SCFD1: variants seen among roughly 807,000 people sequenced by gnomAD.
The protein encoded by SCFD1 is sec1 family domain containing 1, also known as sec1 family domain-containing protein 1.
In SCFD1, 37 loss-of-function variants were observed where a neutral mutation model predicts 103.2. The observed-to-expected ratio is 0.36, with a 90% CI of 0.28 to 0.47. SCFD1 has a LOEUF of 0.47. Ranked by LOEUF, SCFD1 falls within the 20% of genes least tolerant of loss-of-function variation. SCFD1 has a pLI of 1.00. For synonymous variants in SCFD1, 264 were observed against 245.0 expected (o/e 1.08, Z -0.73); for missense variants, 639 against 761.2 (o/e 0.84, Z 1.89).
chr14:30,711,051 T>C (rs1891834486), intron 19 of SCFD1, among the ~76,000 whole-genome samples: 2 of 152,242 alleles, frequency 1.3e-5, no homozygotes, highest in Admixed American at 1.3e-4. Flanking sequence ...ACCAGTTGAA[T>C]GTTATTCACA....
intron 10 of SCFD1, among the ~76,000 whole-genome samples, chr14:30,662,678 A>G (rs757191193): frequency 5.3e-5 from 8 of 152,228 alleles, no homozygotes; most frequent in Non-Finnish European, 1.0e-4. Flanking sequence ...CCAAAATAAA[A>G]GATATTTTTA....
At chr14:30,731,032 G>T (rs1013662782) in intron 23 of SCFD1, among the ~76,000 whole-genome samples, 7 of 152,242 alleles carry the variant, frequency 4.6e-5, no homozygotes, top group African/African-American at 1.2e-4. Context: ...TTTGTATAGG[G>T]TGTAAGGAAG....
At chr14:30,653,616 C>G in intron 10 of SCFD1, 28 bp downstream of exon 10, 1 of 1,414,894 alleles carries the variant, frequency 7.1e-7, no homozygotes, top group South Asian at 1.2e-5. Flanking sequence ...GCACTTATTA[C>G]TGAAATATAG....
At chr14:30,632,046 GA>G (rs61645782) in intron 3 of SCFD1, among the ~76,000 whole-genome samples, 2,045 of 70,276 alleles carry the variant, frequency 0.029, 17 homozygotes, top group Non-Finnish European at 0.044. Flanking sequence ...AGATTCTGTT[GA>G]AAAAAAAAAA....
intron 2 of SCFD1, among the ~76,000 whole-genome samples, chr14:30,629,605 A>T (rs1883890686): frequency 6.8e-6 from 1 of 146,272 alleles, no homozygotes; most frequent in Admixed American, 6.8e-5. Context: ...TTGAGATGGA[A>T]TCTCGCTTTG....
intron 9 of SCFD1, 95 bp downstream of exon 9, chr14:30,650,745 A>T: frequency 1.4e-6 from 1 of 730,336 alleles, no homozygotes; most frequent in East Asian, 2.6e-5. Flanking sequence ...TTGTAATTGA[A>T]ATTTGTTTCT....
Position 30,720,721 on chromosome 14 carries a change from ATTAT to A in SCFD1, c.1737-1159_1737-1156del, listed in dbSNP as rs1271514962. Among the ~76,000 whole-genome samples, 4 of 152,124 alleles carry A rather than the reference ATTAT, an allele frequency of 2.6e-5. 1 individual carries two copies. Among genetic ancestry groups the A allele is most frequent in the Admixed American group, 1.3e-4 (2 of 15,272 alleles). ...ATTAGGTATCATAAGTAATCTAGAG[ATTAT>A]TTAAAGTATATAGGAAGATGTGAGT... On this transcript the variant is annotated intron_variant, in intron 21 of 24. Transcript: ENST00000458591.
chr14:30,683,552 G>T, intron 14 of SCFD1: 1 of 275,700 alleles, frequency 3.6e-6, no homozygotes. Flanking sequence ...TCCTTTGTGG[G>T]AGGCTGCGAT....
At chr14:30,720,283 G>A (rs1179730424) in intron 21 of SCFD1, among the ~76,000 whole-genome samples, 1 of 152,148 alleles carries the variant, frequency 6.6e-6, no homozygotes, top group East Asian at 1.9e-4. Flanking sequence ...TGGAAAGGGG[G>A]ATGAGGATTG....
intron 23 of SCFD1, among the ~76,000 whole-genome samples, chr14:30,723,346 T>C (rs1306897308): frequency 1.3e-5 from 2 of 152,204 alleles, no homozygotes; most frequent in East Asian, 3.8e-4. Flanking sequence ...CACCAAGATA[T>C]ATGTAAGATA....
intron 19 of SCFD1, 148 bp downstream of exon 19, chr14:30,708,213 G>T: frequency 3.3e-6 from 2 of 601,082 alleles, no homozygotes; most frequent in Non-Finnish European, 5.9e-6. Flanking sequence ...AAGTTCTGGG[G>T]TACATGTGCA....
At chr14:30,705,000 A>G (rs1594737875) in intron 17 of SCFD1, among the ~76,000 whole-genome samples, 2 of 152,290 alleles carry the variant, frequency 1.3e-5, no homozygotes, top group African/African-American at 2.4e-5. Context: ...CAGTGAAAAT[A>G]CTCTCAGAAT....
intron 8 of SCFD1, 75 bp from the exon 9 acceptor site, chr14:30,650,489 TA>T: frequency 2.3e-6 from 2 of 867,022 alleles, no homozygotes; most frequent in Non-Finnish European, 3.7e-6. Flanking sequence ...GTTATGAAAC[TA>T]AAAACACATT....
chr14:30,645,264 TG>T (rs1885702827), intron 7 of SCFD1, among the ~76,000 whole-genome samples: 1 of 152,166 alleles, frequency 6.6e-6, no homozygotes. Context: ...GAAGTCAGGT[TG>T]TGTAATGCTC....
intron 1 of SCFD1, among the ~76,000 whole-genome samples, chr14:30,625,927 A>G (rs142092154): frequency 0.019 from 2,949 of 152,152 alleles, 52 homozygotes; most frequent in Middle Eastern, 0.034. Context: ...CTCACATGGC[A>G]GCTCAGGCTT....
intron 10 of SCFD1, among the ~76,000 whole-genome samples, chr14:30,660,049 G>T (rs745906240): frequency 3.3e-5 from 5 of 152,166 alleles, no homozygotes; most frequent in Middle Eastern, 6.8e-3. Context: ...ATAATTTCCT[G>T]GTGATATACC....
chr14:30,648,618 T>G (rs1886086355), intron 7 of SCFD1, among the ~76,000 whole-genome samples: 1 of 152,210 alleles, frequency 6.6e-6, no homozygotes, highest in Admixed American at 6.5e-5. Flanking sequence ...GCTTATGTAT[T>G]GAAACTGCCT....
chr14:30,639,411 A>G (rs1885048562), intron 5 of SCFD1, among the ~76,000 whole-genome samples: 1 of 152,214 alleles, frequency 6.6e-6, no homozygotes, highest in African/African-American at 2.4e-5. Context: ...GTGTAAAACA[A>G]TTACTGTGAC....
intron 7 of SCFD1, among the ~76,000 whole-genome samples, chr14:30,648,929 C>T (rs1366858760): frequency 6.7e-6 from 1 of 149,556 alleles, no homozygotes; most frequent in East Asian, 2.0e-4. Context: ...GACTGCACCA[C>T]TACACTCCAG....
Sources: allele counts gnomAD v4.1 joint callset (sites outside exome capture counted in the v4.1 genomes callset), GRCh38; gene constraint gnomAD v4.1.1; transcripts MANE v1.5; gene names NCBI Gene and HGNC (gene_info 2026-07-23, HGNC 2026-07-21).